The following USP45 variants were observed in gnomAD, a reference collection of about 807,000 sequenced individuals.
USP45 encodes ubiquitin specific peptidase 45, also known as ubiquitin carboxyl-terminal hydrolase 45.
In USP45, 89 loss-of-function variants were observed where a neutral mutation model predicts 95.8. The observed-to-expected ratio is 0.93, with a 90% CI of 0.78 to 1.11. The LOEUF (loss-of-function observed/expected upper bound fraction) is 1.11, where lower values mean the gene tolerates loss of function less well. Among genes scored for constraint, USP45 ranks in the 50% least tolerant of loss-of-function variants. USP45 has a pLI of 0.00. For synonymous variants in USP45, 281 were observed against 316.2 expected, an observed-to-expected ratio of 0.89 and a Z score of 1.18; for missense variants, 898 against 942.5, an observed-to-expected ratio of 0.95 and a Z score of 0.62.
rs1779995372 is a variant in USP45, at chr6:99,433,359, A to G, written c.*2357T>C. On this transcript the variant is annotated 3_prime_UTR_variant, in exon 18 of 18. Coordinates refer to ENST00000500704, the MANE Select transcript of USP45 (RefSeq NM_001346022.3). ...GTAGTTATGTTGATGATAAGTAAAC[A>G]TTATTATTTATTTATACTGTTTCCT... 6.6e-6 allele frequency: 1 copy of G among 151,044 alleles called. No homozygotes were observed. Among genetic ancestry groups the G allele is most frequent in the African/African-American group, 2.5e-5 (1 of 39,914 alleles). 9.4% of individuals were successfully genotyped at this position (151,044 alleles called of 1,614,324 possible). A position where few individuals can be genotyped will look rare whatever the true frequency, so the allele number is the denominator to read the frequency against.
intron 14 of USP45, 69 bp downstream of exon 14, chr6:99,445,728 T>C: frequency 8.6e-7 from 1 of 1,169,060 alleles, no homozygotes; most frequent in Non-Finnish European, 1.2e-6. Flanking sequence ...AGTAAAATTC[T>C]CAGTGAAATT....
At chr6:99,445,668 G>T in intron 14 of USP45, 129 bp downstream of exon 14, 1 of 711,710 alleles carries the variant, frequency 1.4e-6, no homozygotes, top group Non-Finnish European at 2.2e-6. Context: ...GTACAAATAT[G>T]AATGAAACAA....
rs764702643 is a variant in USP45 at position 99,446,350 on chromosome 6, G to T, written c.1422C>A (p.Ser474Arg). The change falls in exon 14 of 18, where the codon AGC becomes AGA. Residue 474 changes from serine (S) to arginine (R), a missense_variant. Ser to Arg is a moderately radical substitution (Grantham distance 110). Transcript: ENST00000500704. ...EMNGDSLMFA[S>R]LMNSESRLNE... is the part of the protein sequence containing the mutation. Reference sequence around the variant, plus strand: ...TCAGACGTGACTCAGAATTCATGAGGCTGGCAAACATTAAAGAATCCCCAT... The same window carrying T: ...TCAGACGTGACTCAGAATTCATGAGTCTGGCAAACATTAAAGAATCCCCAT... 1 of 1,614,176 alleles carries T rather than the reference G, an allele frequency of 6.2e-7. No homozygotes were observed. Among genetic ancestry groups the T allele is most frequent in the Non-Finnish European group, 8.5e-7 (1 of 1,180,026 alleles).
At chr6:99,456,409 G>A (rs1785105328) in intron 13 of USP45, among the ~76,000 whole-genome samples, 1 of 152,198 alleles carries the variant, frequency 6.6e-6, no homozygotes, top group Admixed American at 6.5e-5. Flanking sequence ...TAAGGTAACT[G>A]ATATCCCAAA....
chr6:99,453,392 C>G (rs1784340975), intron 13 of USP45, among the ~76,000 whole-genome samples: 1 of 151,568 alleles, frequency 6.6e-6, no homozygotes. Flanking sequence ...AAAAAAAAAT[C>G]AACAAAGCAA....
chr6:99,455,231 C>T (rs1485799972), intron 13 of USP45, among the ~76,000 whole-genome samples: 1 of 148,688 alleles, frequency 6.7e-6, no homozygotes, highest in Non-Finnish European at 1.5e-5. Flanking sequence ...CACTTGAGGT[C>T]AGGAGTTTGA....
At chr6:99,469,471 A>AATAT (rs1206776466) in intron 9 of USP45, among the ~76,000 whole-genome samples, 1 of 75,912 alleles carries the variant, frequency 1.3e-5, no homozygotes, top group Admixed American at 1.4e-4. Context: ...ATATATATAT[A>AATAT]ATATATATAT....
At chr6:99,499,310 T>A (rs973395342) in intron 5 of USP45, among the ~76,000 whole-genome samples, 1 of 152,218 alleles carries the variant, frequency 6.6e-6, no homozygotes, top group East Asian at 1.9e-4. Context: ...TTCATATTCC[T>A]TTTATCATAA....
intron 5 of USP45, among the ~76,000 whole-genome samples, chr6:99,492,556 T>A (rs1174526173): frequency 6.6e-6 from 1 of 151,512 alleles, no homozygotes; most frequent in African/African-American, 2.4e-5. Flanking sequence ...TGCAGTGGTG[T>A]GATCTCAGCT....
rs773687208 is a variant in USP45, at chr6:99,484,004, G to GTTTTTTTTTTT, written c.715-1132_715-1122dup. Among the ~76,000 whole-genome samples the GTTTTTTTTTTT allele has an allele frequency of 1.3e-4, 12 of 91,460 alleles. 1 individual carries two copies. In the South Asian group the frequency reaches 1.4e-3, roughly 11 times the overall value. 60.0% of individuals were successfully genotyped at this position (91,460 alleles called of 152,430 possible). ...AAAGGACAGGCTATAATTTTCCATA[G>GTTTTTTTTTTT]TTTTTTTTTTTTTTTTTTTTTAAAG... On this transcript the variant is annotated intron_variant, in intron 7 of 17. Transcript: ENST00000500704.
Position 99,437,246 on chromosome 6 carries a change from C to T in USP45, c.2314G>A (p.Gly772Ser). ...ATAAAATAAACTTAGGATGGCATAC[C>T]AGGCACATTTTTCTTTTTAGTGTTA... is the stretch of plus-strand genomic sequence containing the variant. ...EHNTKKKNVP[G>S]LKAADNESAG... Residue 772 changes from glycine (G) to serine (S), a missense_variant and splice_region_variant, in exon 17 of 18, where the codon GGT becomes AGT. By Grantham distance (56) the Gly-to-Ser change is moderately conservative. Coordinates refer to ENST00000500704, the MANE Select transcript of USP45 (RefSeq NM_001346022.3). 6.3e-7 allele frequency: 1 copy of T among 1,598,720 alleles called. No homozygotes were observed. Among genetic ancestry groups the T allele is most frequent in the Non-Finnish European group, 8.5e-7 (1 of 1,175,992 alleles).
rs35122441 is a variant in USP45 at position 99,434,723 on chromosome 6, A to T, written c.*993T>A. On this transcript the variant is annotated 3_prime_UTR_variant, in exon 18 of 18. Transcript: ENST00000500704. ...TTTAGTATTTACAAGAAGTAGAAAAAGTATATATTTTTCTGTTAAGAATAT... is the reference window on the plus strand; with the variant it reads ...TTTAGTATTTACAAGAAGTAGAAAATGTATATATTTTTCTGTTAAGAATAT... 1 of 152,186 alleles carries T rather than the reference A, an allele frequency of 6.6e-6. No individual in the cohort carries two copies. Among genetic ancestry groups the T allele is most frequent in the Non-Finnish European group, 1.5e-5 (1 of 68,018 alleles). The allele number at this position is 152,186 out of a possible 1,614,324, so 9.4% of individuals were successfully genotyped here.
chr6:99,464,543 T>G (rs1310873426), intron 13 of USP45, 61 bp downstream of exon 13: 2 of 1,547,788 alleles, frequency 1.3e-6, no homozygotes, highest in Non-Finnish European at 1.7e-6. Context: ...TTAGATGTGC[T>G]TGAAACTTTT....
chr6:99,461,542 G>C, intron 13 of USP45: 6 of 985,334 alleles, frequency 6.1e-6, no homozygotes, highest in Non-Finnish European at 7.2e-6. Context: ...GTAAGCAAAA[G>C]AAAATGCACT....
At chr6:99,471,819 C>A (rs939869871) in intron 9 of USP45, among the ~76,000 whole-genome samples, 1 of 152,226 alleles carries the variant, frequency 6.6e-6, no homozygotes, top group African/African-American at 2.4e-5. Flanking sequence ...CACCCTACAA[C>A]AACAGCATGA....
intron 9 of USP45, among the ~76,000 whole-genome samples, chr6:99,471,903 C>A (rs1330875974): frequency 6.6e-6 from 1 of 152,132 alleles, no homozygotes; most frequent in Non-Finnish European, 1.5e-5. Context: ...TCAGGACTGT[C>A]CTCGCTTATG....
At chr6:99,460,877 T>C in intron 13 of USP45, 6 of 975,796 alleles carry the variant, frequency 6.1e-6, no homozygotes, top group Non-Finnish European at 7.3e-6. Flanking sequence ...AATTATTCAA[T>C]TAAAACCAAA....
Position 99,482,874 on chromosome 6 carries a change from C to A in USP45, c.724G>T (p.Val242Leu). The change falls in exon 8 of 18, where the codon GTG becomes TTG. Residue 242 changes from valine to leucine, a missense_variant. Physicochemically the swap from Val to Leu is conservative, Grantham distance 32 (BLOSUM62 1). Coordinates refer to ENST00000500704, the MANE Select transcript of USP45 (RefSeq NM_001346022.3). ...GGTCCAGGCCTTGAAAGTTCCACCA[C>A]CAATGGGTCCTTTAAAAACATGATC... ...PSSDSQLDPL[V>L]VELSRPGPLT... 1 of 1,528,266 alleles carries A rather than the reference C, an allele frequency of 6.5e-7. No homozygotes were observed. The highest frequency in any genetic ancestry group is 8.8e-7 in the Non-Finnish European group (1 of 1,141,762). 94.7% of individuals were successfully genotyped at this position (1,528,266 alleles called of 1,614,324 possible). A position where few individuals can be genotyped will look rare whatever the true frequency, so the allele number is the denominator to read the frequency against.
rs1462476325 is a variant in USP45, at chr6:99,465,100, G to A, written c.1144C>T (p.Leu382Phe). 1.3e-6 allele frequency: 2 copies of A among 1,598,622 alleles called. No homozygotes were observed. Among genetic ancestry groups the A allele is most frequent in the Admixed American group, 1.7e-5 (1 of 59,024 alleles). ...CTTACCCTTTCTTCTATTATAGGAA[G>A]TGAAATATCAATGAATGGATCTTTC... ...TVKDPFIDISLPIIEERVSKP... is the reference protein window; with the variant it reads ...TVKDPFIDISFPIIEERVSKP... The change falls in exon 12 of 18, where the codon CTT becomes TTT. Residue 382 changes from leucine (L) to phenylalanine (F), a missense_variant. By Grantham distance (22) the Leu-to-Phe change is conservative. Coordinates refer to ENST00000500704, the MANE Select transcript of USP45 (RefSeq NM_001346022.3).
Sources: gnomAD v4.1 joint callset for allele counts (sites outside exome capture counted in the v4.1 genomes callset) on GRCh38, gnomAD v4.1.1 for gene constraint, MANE v1.5 for transcripts, NCBI Gene and HGNC (gene_info 2026-07-23, HGNC 2026-07-21) for gene names.